DCT: variants seen among roughly 807,000 people sequenced by gnomAD.
DCT encodes L-dopachrome tautomerase.
DCT carries 47 observed loss-of-function variants against 53.0 expected under a neutral mutation model. The observed-to-expected ratio is 0.89, with a 90% CI of 0.70 to 1.13. The LOEUF (loss-of-function observed/expected upper bound fraction) is 1.13, where lower values mean the gene tolerates loss of function less well. Among genes scored for constraint, DCT ranks in the 50% most tolerant of loss-of-function variants. The pLI, the probability that DCT is intolerant of heterozygous loss-of-function variation, is 0.00. For synonymous variants in DCT, 244 were observed against 237.0 expected (o/e 1.03, Z -0.27); for missense variants, 669 against 637.4 (o/e 1.05, Z -0.53).
intron 6 of DCT, among the ~76,000 whole-genome samples, chr13:94,459,654 C>A (rs947130706): frequency 6.6e-6 from 1 of 152,142 alleles, no homozygotes; most frequent in South Asian, 2.1e-4. Context: ...TCAAGTAAAG[C>A]TCACTCAAGT....
At chr13:94,455,138 G>C (rs1040293323) in intron 6 of DCT, among the ~76,000 whole-genome samples, 1 of 152,124 alleles carries the variant, frequency 6.6e-6, no homozygotes, top group Non-Finnish European at 1.5e-5. Context: ...AGTGCTTTGG[G>C]AGGCCAAGGT....
intron 7 of DCT, among the ~76,000 whole-genome samples, 156 bp downstream of exon 7, chr13:94,443,280 G>T (rs1882473216): frequency 6.6e-6 from 1 of 152,172 alleles, no homozygotes; most frequent in African/African-American, 2.4e-5. Context: ...GGCTCATTTT[G>T]CTAAATACGT....
intron 1 of DCT, among the ~76,000 whole-genome samples, chr13:94,476,733 C>T (rs1885116297): frequency 6.6e-6 from 1 of 152,260 alleles, no homozygotes; most frequent in Non-Finnish European, 1.5e-5. Flanking sequence ...AAGTGCTTGG[C>T]TCCCAAAGGC....
chr13:94,443,725 ACTT>A lies in DCT; in HGVS notation c.1180-91_1180-89del, dbSNP rs555165705. ...CTGTTGCTTTCTCTAAAGTGGAATA[ACTT>A]CTTCTTGACATAGGAACTTCTGTAT... On this transcript the variant is annotated intron_variant, in intron 6 of 7. Transcript: ENST00000377028. The A allele has an allele frequency of 1.5e-4, 168 of 1,089,312 alleles. No homozygotes were observed. In the African/African-American group the frequency reaches 2.4e-3, roughly 16 times the overall value. The allele number at this position is 1,089,312 out of a possible 1,614,324, so 67.5% of individuals were successfully genotyped here.
At chr13:94,496,695 T>G in the DCT span, among the ~76,000 whole-genome samples, 1 of 152,176 alleles carries the variant, frequency 6.6e-6, no homozygotes, top group African/African-American at 2.4e-5. Flanking sequence ...GCATCCCTTT[T>G]TAACTGCTAA....
the DCT span, among the ~76,000 whole-genome samples, chr13:94,514,460 C>A: frequency 1.3e-5 from 2 of 152,200 alleles, no homozygotes; most frequent in African/African-American, 4.8e-5. Flanking sequence ...AGCTAGTAAG[C>A]AAAGTGAGCA....
At chr13:94,443,107 A>C (rs780713068) in intron 7 of DCT, among the ~76,000 whole-genome samples, 4 of 152,214 alleles carry the variant, frequency 2.6e-5, no homozygotes, top group African/African-American at 7.2e-5. Flanking sequence ...AATTTCAAAG[A>C]ACCATAGGGA....
At chr13:94,496,150 A>G in the DCT span, among the ~76,000 whole-genome samples, 1 of 152,206 alleles carries the variant, frequency 6.6e-6, no homozygotes. Context: ...CTCAGAGATT[A>G]AGAGCTGTAG....
chr13:94,502,618 T>G, the DCT span, among the ~76,000 whole-genome samples: 1 of 152,210 alleles, frequency 6.6e-6, no homozygotes, highest in South Asian at 2.1e-4. Flanking sequence ...GCTTGGCCTC[T>G]TTGTAGCTTT....
At chr13:94,443,935 A>G (rs1882538657) in intron 6 of DCT, among the ~76,000 whole-genome samples, 1 of 152,220 alleles carries the variant, frequency 6.6e-6, no homozygotes. Flanking sequence ...AGCAAATGAA[A>G]GTTCATGTTG....
At chr13:94,466,004 A>G (rs1442002335) in intron 3 of DCT, among the ~76,000 whole-genome samples, 1 of 65,532 alleles carries the variant, frequency 1.5e-5, no homozygotes, top group Non-Finnish European at 3.3e-5. Context: ...ATATATATAT[A>G]TATATATATA....
intron 1 of DCT, among the ~76,000 whole-genome samples, chr13:94,472,301 G>A (rs1884694626): frequency 6.6e-6 from 1 of 151,646 alleles, no homozygotes; most frequent in Non-Finnish European, 1.5e-5. Flanking sequence ...GACAGTGAGG[G>A]AGATGTGAGT....
chr13:94,473,533 G>A (rs1884885738), intron 1 of DCT, among the ~76,000 whole-genome samples: 1 of 152,206 alleles, frequency 6.6e-6, no homozygotes, highest in African/African-American at 2.4e-5. Flanking sequence ...TAGTGGAAAT[G>A]AAGGACAAGT....
intron 6 of DCT, among the ~76,000 whole-genome samples, chr13:94,452,349 G>A (rs577828527): frequency 9.1e-4 from 138 of 152,248 alleles, no homozygotes; most frequent in African/African-American, 2.8e-3. Context: ...TCACTTATAA[G>A]AAGAGAAATG....
At chr13:94,472,337 C>G (rs932247487) in intron 1 of DCT, among the ~76,000 whole-genome samples, 5 of 151,364 alleles carry the variant, frequency 3.3e-5, no homozygotes, top group Admixed American at 6.6e-5. Context: ...GTTGGCAACT[C>G]TCTGTACTTT....
At chr13:94,514,203 A>G in the DCT span, among the ~76,000 whole-genome samples, 1 of 152,076 alleles carries the variant, frequency 6.6e-6, no homozygotes, top group South Asian at 2.1e-4. Flanking sequence ...TTCCATCCTA[A>G]TGAAATACGG....
chr13:94,458,183 T>C (rs1164327007), intron 6 of DCT, among the ~76,000 whole-genome samples: 1 of 152,140 alleles, frequency 6.6e-6, no homozygotes, highest in Non-Finnish European at 1.5e-5. Flanking sequence ...ATAATCACTC[T>C]ATCAAGATAC....
chr13:94,443,358 A>G lies in DCT; in HGVS notation c.1381+78T>C. 4.2e-6 allele frequency: 5 copies of G among 1,196,780 alleles called. No individual in the cohort carries two copies. In the East Asian group the frequency reaches 7.0e-5, roughly 17 times the overall value. 74.1% of individuals were successfully genotyped at this position (1,196,780 alleles called of 1,614,324 possible). On this transcript the variant is annotated intron_variant, in intron 7 of 7. Coordinates refer to ENST00000377028, the MANE Select transcript of DCT (RefSeq NM_001922.5). ...GCTTCGGCTAAAGGTCTTGGTTTAC[A>G]TTATAAAGAAAGAAAGCAAGAAAGC...
At chr13:94,529,106 T>C in the DCT span, among the ~76,000 whole-genome samples, 4 of 152,216 alleles carry the variant, frequency 2.6e-5, no homozygotes, top group African/African-American at 9.6e-5. Flanking sequence ...TAAACATATA[T>C]GCACCCAACA....
Sources: allele counts gnomAD v4.1 joint callset (sites outside exome capture counted in the v4.1 genomes callset), GRCh38; gene constraint gnomAD v4.1.1; transcripts MANE v1.5; gene names NCBI Gene and HGNC (gene_info 2026-07-23, HGNC 2026-07-21).